Variants in NLGN1 observed in about 807,000 individuals in gnomAD.
NLGN1 encodes neuroligin 1.
Under a neutral mutation model 65.5 loss-of-function variants are expected in NLGN1, and 12 were observed. The observed-to-expected ratio is 0.18, with a 90% CI of 0.12 to 0.30. NLGN1 has a LOEUF of 0.30. Among genes scored for constraint, NLGN1 ranks in the 10% least tolerant of loss-of-function variants. The pLI, the probability that NLGN1 is intolerant of heterozygous loss-of-function variation, is 1.00. For missense variants in NLGN1, 750 were observed against 1,007.1 expected, an observed-to-expected ratio of 0.74 and a Z score of 3.46; for synonymous variants, 350 against 359.5, an observed-to-expected ratio of 0.97 and a Z score of 0.30.
At chr3:174,170,281 C>G (rs888130363) in intron 4 of NLGN1, among the ~76,000 whole-genome samples, 1 of 151,646 alleles carries the variant, frequency 6.6e-6, no homozygotes, top group African/African-American at 2.4e-5. Flanking sequence ...CCACCTCCTA[C>G]AATCTTTGAT....
rs9821279 is a variant in NLGN1, at chr3:174,110,073, G to T, written c.647-165242G>T. ...TTTTTTGTTTGTTGTTTTTAGAGTG[G>T]TATACACTTGATTTGTCATTTTTAG... On this transcript the variant is annotated intron_variant, in intron 4 of 6. Coordinates refer to ENST00000457714, the Ensembl canonical transcript of NLGN1. 3.6e-3 allele frequency among the ~76,000 whole-genome samples: 548 copies of T among 151,990 alleles called. 1 individual carries two copies. The highest frequency in any genetic ancestry group is 0.013 in the African/African-American group (527 of 41,502).
intron 4 of NLGN1, among the ~76,000 whole-genome samples, chr3:174,093,113 G>A (rs1036293298): frequency 6.6e-6 from 1 of 152,128 alleles, no homozygotes; most frequent in African/African-American, 2.4e-5. Flanking sequence ...CTTTAACTTT[G>A]CCTGGCACAT....
At chr3:174,258,606 T>G (rs1746238248) in intron 4 of NLGN1, among the ~76,000 whole-genome samples, 1 of 152,168 alleles carries the variant, frequency 6.6e-6, no homozygotes, top group African/African-American at 2.4e-5. Flanking sequence ...TTGCAGTGCA[T>G]GGAGATGATA....
intron 4 of NLGN1, among the ~76,000 whole-genome samples, chr3:173,960,935 A>T (rs1713399551): frequency 6.6e-6 from 1 of 152,092 alleles, no homozygotes; most frequent in Non-Finnish European, 1.5e-5. Flanking sequence ...TATCTGAAAT[A>T]CTACTTAAAT....
At chr3:173,786,815 G>T (rs1396145472) in intron 3 of NLGN1, among the ~76,000 whole-genome samples, 1 of 152,126 alleles carries the variant, frequency 6.6e-6, no homozygotes, top group Non-Finnish European at 1.5e-5. Context: ...GGTGGCTCAC[G>T]CCTATAATCC....
chr3:174,054,220 G>A (rs1328575333), intron 4 of NLGN1, among the ~76,000 whole-genome samples: 1 of 151,986 alleles, frequency 6.6e-6, no homozygotes, highest in Admixed American at 6.6e-5. Flanking sequence ...ATCTAGCTTG[G>A]AGCTCTGAGT....
chr3:173,833,745 C>T (rs9290483), intron 4 of NLGN1, among the ~76,000 whole-genome samples: 103,231 of 151,978 alleles, frequency 0.68, 35,788 homozygotes, highest in Non-Finnish European at 0.74. Flanking sequence ...CTCAAACTTC[C>T]GGGCCTCAGC....
chr3:173,824,577 T>A (rs1578634824), intron 4 of NLGN1, among the ~76,000 whole-genome samples: 1 of 116,164 alleles, frequency 8.6e-6, no homozygotes, highest in Non-Finnish European at 1.9e-5. Flanking sequence ...ATGACATGTG[T>A]GTATTGACAT....
At chr3:174,162,834 G>T (rs1726793580) in intron 4 of NLGN1, among the ~76,000 whole-genome samples, 1 of 150,874 alleles carries the variant, frequency 6.6e-6, no homozygotes, top group African/African-American at 2.4e-5. Context: ...GAGGATGAGA[G>T]AAAAGAAAAA....
intron 2 of NLGN1, among the ~76,000 whole-genome samples, chr3:173,593,525 A>G (rs1272503307): frequency 6.6e-6 from 1 of 152,222 alleles, no homozygotes; most frequent in Non-Finnish European, 1.5e-5. Flanking sequence ...TTTGAGAGAT[A>G]AGAGAAGGGA....
intron 3 of NLGN1, among the ~76,000 whole-genome samples, chr3:173,708,232 T>G (rs1479167112): frequency 6.6e-6 from 1 of 152,162 alleles, no homozygotes; most frequent in Non-Finnish European, 1.5e-5. Context: ...AAATATACTT[T>G]TATAATGACC....
intron 3 of NLGN1, among the ~76,000 whole-genome samples, chr3:173,797,479 G>T (rs1714361934): frequency 6.6e-6 from 1 of 151,872 alleles, no homozygotes; most frequent in Admixed American, 6.6e-5. Flanking sequence ...GGGATAACTG[G>T]ACTTAATCCT....
At chr3:174,211,787 C>T (rs1463415329) in intron 4 of NLGN1, among the ~76,000 whole-genome samples, 1 of 151,754 alleles carries the variant, frequency 6.6e-6, no homozygotes, top group Admixed American at 6.6e-5. Flanking sequence ...TACAGAGTGT[C>T]GATTAGTGCA....
chr3:173,776,973 A>G (rs747354995), intron 3 of NLGN1, among the ~76,000 whole-genome samples: 9 of 152,098 alleles, frequency 5.9e-5, no homozygotes, highest in Non-Finnish European at 8.8e-5. Context: ...TGTATACCAC[A>G]CAGACAAAAT....
chr3:173,426,808 T>C (rs986608821), intron 1 of NLGN1, among the ~76,000 whole-genome samples: 3 of 152,052 alleles, frequency 2.0e-5, no homozygotes, highest in Non-Finnish European at 2.9e-5. Context: ...TGCCCTTGTC[T>C]GGTTTTGGTT....
At chr3:173,836,541 C>T (rs1411287353) in intron 4 of NLGN1, among the ~76,000 whole-genome samples, 1 of 152,042 alleles carries the variant, frequency 6.6e-6, no homozygotes, top group Non-Finnish European at 1.5e-5. Context: ...ACCAATAAAA[C>T]AATATAATTG....
chr3:174,010,872 G>A (rs1327837849), intron 4 of NLGN1, among the ~76,000 whole-genome samples: 2 of 152,118 alleles, frequency 1.3e-5, no homozygotes, highest in African/African-American at 4.8e-5. Context: ...ATGATGGGAT[G>A]AGAAGGTAAA....
intron 2 of NLGN1, among the ~76,000 whole-genome samples, chr3:173,539,659 G>GTATATATGTACATATATAACATACA (rs1738223610): frequency 7.2e-6 from 1 of 138,716 alleles, no homozygotes; most frequent in African/African-American, 2.7e-5. Context: ...TAACATATGT[G>GTATATATGTACATATATAACATACA]TATATATGCA....
At chr3:174,276,146 A>G (rs1324028029) in intron 5 of NLGN1, among the ~76,000 whole-genome samples, 1 of 151,810 alleles carries the variant, frequency 6.6e-6, no homozygotes, top group Non-Finnish European at 1.5e-5. Flanking sequence ...CAAAAGCATT[A>G]TTTTTCCCCC....
Sources: gnomAD v4.1 joint callset for allele counts (sites outside exome capture counted in the v4.1 genomes callset) on GRCh38, gnomAD v4.1.1 for gene constraint, MANE v1.5 for transcripts, NCBI Gene and HGNC (gene_info 2026-07-23, HGNC 2026-07-21) for gene names.